The following CHN2 variants were observed in gnomAD, a reference collection of about 807,000 sequenced individuals.
CHN2 encodes the protein chimerin 2.
A neutral mutation model predicts 56.3 loss-of-function variants in CHN2; 35 were observed. The observed-to-expected ratio is 0.62, with a 90% CI of 0.47 to 0.82. CHN2 has a LOEUF of 0.82. CHN2 is among the 40% of genes least tolerant of loss of function. CHN2 has a pLI of 0.00. For missense variants in CHN2, 491 were observed against 580.5 expected (o/e 0.85, Z 1.58); for synonymous variants, 210 against 212.8 (o/e 0.99, Z 0.12).
chr7:29,215,612 G>A (rs245931), intron 1 of CHN2, among the ~76,000 whole-genome samples: 37,657 of 151,810 alleles, frequency 0.25, 5,276 homozygotes, highest in East Asian at 0.54. Context: ...TGGTTCAATA[G>A]GAATTAAAAG....
At chr7:29,486,070 T>C (rs979744737) in intron 7 of CHN2, among the ~76,000 whole-genome samples, 2 of 152,096 alleles carry the variant, frequency 1.3e-5, no homozygotes, top group African/African-American at 4.8e-5. Flanking sequence ...TCCCTAGCGC[T>C]GATCACCAGC....
chr7:29,341,620 G>A (rs76824981), intron 1 of CHN2, among the ~76,000 whole-genome samples: 2,341 of 151,840 alleles, frequency 0.015, 68 homozygotes, highest in African/African-American at 0.05. Context: ...GAGGGAGAGA[G>A]GGAGGGGGGC....
chr7:29,354,188 A>G (rs1798106043), intron 1 of CHN2, among the ~76,000 whole-genome samples: 1 of 152,260 alleles, frequency 6.6e-6, no homozygotes, highest in Non-Finnish European at 1.5e-5. Flanking sequence ...ACAGCTCTGC[A>G]GATTTAATAC....
intron 6 of CHN2, among the ~76,000 whole-genome samples, chr7:29,469,431 T>A (rs1276320781): frequency 1.3e-5 from 2 of 152,174 alleles, no homozygotes; most frequent in Non-Finnish European, 2.9e-5. Flanking sequence ...TCACTCAGAG[T>A]GAAAGTGGGA....
intron 10 of CHN2, among the ~76,000 whole-genome samples, chr7:29,507,025 C>G (rs952498572): frequency 6.6e-6 from 1 of 152,176 alleles, no homozygotes; most frequent in African/African-American, 2.4e-5. Context: ...ACCCGTTTGC[C>G]TGCACAAACC....
intron 2 of CHN2, among the ~76,000 whole-genome samples, chr7:29,184,050 A>G (rs1182881078): frequency 1.3e-5 from 2 of 151,914 alleles, no homozygotes; most frequent in African/African-American, 4.8e-5. Flanking sequence ...TTTATATAAG[A>G]CACTTGGGCA....
At chr7:29,334,037 T>C (rs1335365335) in intron 1 of CHN2, among the ~76,000 whole-genome samples, 1 of 149,576 alleles carries the variant, frequency 6.7e-6, no homozygotes, top group African/African-American at 2.5e-5. Flanking sequence ...AATGATAAAT[T>C]CAATTTCTTT....
intron 12 of CHN2, among the ~76,000 whole-genome samples, chr7:29,511,031 T>C (rs1371824614): frequency 6.6e-6 from 1 of 152,188 alleles, no homozygotes; most frequent in Non-Finnish European, 1.5e-5. Context: ...CACATCTGTG[T>C]GCCTCTGTGT....
intron 1 of CHN2, among the ~76,000 whole-genome samples, chr7:29,255,061 C>G (rs1788960236): frequency 6.6e-6 from 1 of 152,104 alleles, no homozygotes; most frequent in South Asian, 2.1e-4. Flanking sequence ...GAGTTCAGGT[C>G]CATTTACACC....
intron 10 of CHN2, among the ~76,000 whole-genome samples, chr7:29,506,112 A>T (rs1284246302): frequency 6.6e-6 from 1 of 152,182 alleles, no homozygotes; most frequent in African/African-American, 2.4e-5. Flanking sequence ...GGTATTTCCT[A>T]ACGGTAAAAC....
chr7:29,480,873 G>A (rs571781650), intron 7 of CHN2, among the ~76,000 whole-genome samples: 58 of 150,664 alleles, frequency 3.8e-4, no homozygotes, highest in African/African-American at 1.4e-3. Context: ...TTTTATTTGT[G>A]CTCCGGGTAC....
chr7:29,185,570 T>A (rs1438013323), intron 2 of CHN2: 1 of 151,718 alleles, frequency 6.6e-6, no homozygotes, highest in African/African-American at 2.4e-5. Flanking sequence ...ATTTCTCTTA[T>A]CAAACCTTAG....
At chr7:29,410,499 TTA>T (rs1332665425) in intron 6 of CHN2, among the ~76,000 whole-genome samples, 1 of 152,156 alleles carries the variant, frequency 6.6e-6, no homozygotes, top group Non-Finnish European at 1.5e-5. Flanking sequence ...TATATTTGCA[TTA>T]TGTCTGTGGG....
chr7:29,498,619 T>C (rs940001952), intron 8 of CHN2, among the ~76,000 whole-genome samples: 1 of 152,206 alleles, frequency 6.6e-6, no homozygotes, highest in Non-Finnish European at 1.5e-5. Flanking sequence ...TTCCTTATCA[T>C]GTGTGCACGT....
intron 1 of CHN2, among the ~76,000 whole-genome samples, chr7:29,220,464 AAAC>A (rs1445109935): frequency 3.3e-5 from 5 of 152,130 alleles, no homozygotes; most frequent in Non-Finnish European, 4.4e-5. Context: ...TTTCAGAAAA[AAAC>A]AAGGGGATCA....
At chr7:29,277,715 G>A (rs936067780) in intron 1 of CHN2, among the ~76,000 whole-genome samples, 11 of 152,176 alleles carry the variant, frequency 7.2e-5, no homozygotes, top group African/African-American at 2.2e-4. Flanking sequence ...TCCCAGCAGC[G>A]TCTTCAAGGC....
intron 3 of CHN2, among the ~76,000 whole-genome samples, chr7:29,369,905 A>T (rs79442015): frequency 3.0e-4 from 46 of 152,200 alleles, no homozygotes; most frequent in African/African-American, 1.1e-3. Flanking sequence ...TACCAATTTG[A>T]TATATTAGTA....
chr7:29,201,255 A>G (rs1465291763), intron 1 of CHN2, among the ~76,000 whole-genome samples: 1 of 152,184 alleles, frequency 6.6e-6, no homozygotes, highest in Admixed American at 6.5e-5. Flanking sequence ...TCAGAGCCCA[A>G]GGAACTCAGA....
intron 1 of CHN2, among the ~76,000 whole-genome samples, chr7:29,259,532 A>AAT (rs967472891): frequency 1.3e-5 from 2 of 152,084 alleles, no homozygotes; most frequent in Non-Finnish European, 2.9e-5. Flanking sequence ...TTCACTATAT[A>AAT]ATATATATAC....
Sources: gnomAD v4.1 joint callset for allele counts (sites outside exome capture counted in the v4.1 genomes callset) on GRCh38, gnomAD v4.1.1 for gene constraint, MANE v1.5 for transcripts, NCBI Gene and HGNC (gene_info 2026-07-23, HGNC 2026-07-21) for gene names.